Variants in KCNMA1 observed in about 807,000 individuals in gnomAD.
KCNMA1 encodes the protein potassium calcium-activated channel subfamily M alpha 1, also known as Calcium-activated potassium channel subunit alpha-1.
A neutral mutation model predicts 140.0 loss-of-function variants in KCNMA1; 29 were observed. The ratio of observed to expected loss-of-function variants is 0.21; its 90% confidence interval spans 0.15 to 0.28. The LOEUF (loss-of-function observed/expected upper bound fraction) is 0.28. KCNMA1 is among the 10% of genes least tolerant of loss of function. The pLI is 1.00. For missense variants in KCNMA1, 880 were observed against 1,602.2 expected, an observed-to-expected ratio of 0.55 and a Z score of 7.70; for synonymous variants, 612 against 611.9, an observed-to-expected ratio of 1.00 and a Z score of 0.00.
chr10:77,257,908 T>A (rs531546446), intron 2 of KCNMA1, among the ~76,000 whole-genome samples: 1 of 152,334 alleles, frequency 6.6e-6, no homozygotes, highest in East Asian at 1.9e-4. Context: ...CCTCTTTTTC[T>A]TTATAAATTA....
At chr10:77,186,499 C>CT (rs1419555757) in intron 3 of KCNMA1, among the ~76,000 whole-genome samples, 2 of 152,112 alleles carry the variant, frequency 1.3e-5, no homozygotes, top group African/African-American at 4.8e-5. Context: ...ATATCACAGC[C>CT]TGCCATGGCT....
intron 22 of KCNMA1, among the ~76,000 whole-genome samples, chr10:76,945,805 G>C (rs542741773): frequency 1.6e-5 from 1 of 63,336 alleles, no homozygotes; most frequent in South Asian, 2.8e-4. Context: ...TTTCATTTAT[G>C]TAAAAAAAAA....
intron 1 of KCNMA1, among the ~76,000 whole-genome samples, chr10:77,463,978 T>TC (rs979372137): frequency 2.6e-4 from 39 of 152,266 alleles, no homozygotes; most frequent in African/African-American, 9.4e-4. Flanking sequence ...GGCATCTGCA[T>TC]CACCAGGGCT....
At chr10:77,483,141 G>C (rs987967103) in intron 1 of KCNMA1, among the ~76,000 whole-genome samples, 1 of 152,134 alleles carries the variant, frequency 6.6e-6, no homozygotes, top group Non-Finnish European at 1.5e-5. Context: ...CAAGGGTTTA[G>C]AGGGGCCAGG....
At chr10:77,591,663 C>T (rs1394915847) in intron 1 of KCNMA1, among the ~76,000 whole-genome samples, 2 of 152,218 alleles carry the variant, frequency 1.3e-5, no homozygotes, top group Non-Finnish European at 2.9e-5. Context: ...TTCTAAACCA[C>T]TAACTGGACA....
chr10:77,524,196 G>T (rs2054666623), intron 1 of KCNMA1, among the ~76,000 whole-genome samples: 2 of 152,200 alleles, frequency 1.3e-5, no homozygotes, highest in Admixed American at 1.3e-4. Context: ...TGAGAATAGG[G>T]GTTGTGGTGC....
intron 20 of KCNMA1, among the ~76,000 whole-genome samples, chr10:76,956,922 T>C (rs896111831): frequency 1.3e-5 from 2 of 151,694 alleles, no homozygotes; most frequent in Non-Finnish European, 1.5e-5. Flanking sequence ...GGAGATCGTG[T>C]CCATCCTGGC....
At chr10:77,041,967 C>G (rs916725673) in intron 14 of KCNMA1, among the ~76,000 whole-genome samples, 1 of 152,132 alleles carries the variant, frequency 6.6e-6, no homozygotes, top group East Asian at 1.9e-4. Flanking sequence ...CATACAAAAG[C>G]CAGAAAAAAT....
At chr10:77,501,532 G>C (rs2043877250) in intron 1 of KCNMA1, among the ~76,000 whole-genome samples, 2 of 152,202 alleles carry the variant, frequency 1.3e-5, no homozygotes, top group Non-Finnish European at 2.9e-5. Flanking sequence ...GCGGCCAGTT[G>C]AGTGACTCAT....
intron 5 of KCNMA1, among the ~76,000 whole-genome samples, chr10:77,143,929 G>C (rs571515535): frequency 6.6e-5 from 10 of 152,302 alleles, no homozygotes; most frequent in Admixed American, 3.9e-4. Context: ...ATTATCAAGT[G>C]TTGGTGAAGA....
chr10:76,991,869 C>T (rs1403059303), intron 19 of KCNMA1, among the ~76,000 whole-genome samples: 2 of 152,166 alleles, frequency 1.3e-5, no homozygotes, highest in Non-Finnish European at 2.9e-5. Context: ...GCAGTCAGCT[C>T]CCTTCCCAGA....
intron 1 of KCNMA1, among the ~76,000 whole-genome samples, chr10:77,565,708 G>C (rs991703342): frequency 2.6e-5 from 4 of 152,222 alleles, no homozygotes; most frequent in African/African-American, 7.2e-5. Flanking sequence ...AGTTGATCTG[G>C]TGCAGTGCTT....
chr10:77,198,862 C>G (rs773719499), intron 3 of KCNMA1, among the ~76,000 whole-genome samples: 2 of 152,070 alleles, frequency 1.3e-5, no homozygotes, highest in Non-Finnish European at 2.9e-5. Context: ...GAGCAAGCCC[C>G]GTGCTTATAA....
At chr10:77,516,342 T>C (rs568352403) in intron 1 of KCNMA1, among the ~76,000 whole-genome samples, 191 of 152,260 alleles carry the variant, frequency 1.3e-3, no homozygotes, top group African/African-American at 4.4e-3. Flanking sequence ...GCACCCTCCA[T>C]AGCACTATTT....
At chr10:77,104,496 G>A (rs1260691607) in intron 9 of KCNMA1, among the ~76,000 whole-genome samples, 5 of 152,146 alleles carry the variant, frequency 3.3e-5, no homozygotes, top group South Asian at 2.1e-4. Flanking sequence ...TTCCCCTCTC[G>A]TGTGCCCTGT....
At chr10:77,400,483 A>G (rs1358804165) in intron 2 of KCNMA1, among the ~76,000 whole-genome samples, 1 of 152,208 alleles carries the variant, frequency 6.6e-6, no homozygotes, top group East Asian at 1.9e-4. Flanking sequence ...TAATGTCAAA[A>G]TGTCACAGCC....
At chr10:77,319,176 T>C (rs907393762) in intron 2 of KCNMA1, among the ~76,000 whole-genome samples, 1 of 152,162 alleles carries the variant, frequency 6.6e-6, no homozygotes, top group Non-Finnish European at 1.5e-5. Flanking sequence ...CCTAGGCCCA[T>C]GTATACAGCA....
At chr10:76,941,406 A>T (rs746846078) in intron 23 of KCNMA1, among the ~76,000 whole-genome samples, 2 of 152,194 alleles carry the variant, frequency 1.3e-5, no homozygotes, top group Non-Finnish European at 2.9e-5. Flanking sequence ...GTCAGCTCAC[A>T]GGCTGGGAGG....
chr10:76,994,565 C>T (rs1312960420), intron 19 of KCNMA1, among the ~76,000 whole-genome samples: 1 of 152,202 alleles, frequency 6.6e-6, no homozygotes, highest in East Asian at 1.9e-4. Flanking sequence ...TGACCCCATG[C>T]TCAGATAAGA....
Sources: allele counts gnomAD v4.1 joint callset (sites outside exome capture counted in the v4.1 genomes callset), GRCh38; gene constraint gnomAD v4.1.1; transcripts MANE v1.5; gene names NCBI Gene and HGNC (gene_info 2026-07-23, HGNC 2026-07-21).